WDPCP: variants seen among roughly 807,000 people sequenced by gnomAD.
WDPCP encodes WD repeat-containing and planar cell polarity effector protein fritz homolog.
Under a neutral mutation model 93.1 loss-of-function variants are expected in WDPCP, and 71 were observed. The ratio of observed to expected loss-of-function variants is 0.76; its 90% CI spans 0.63 to 0.93. WDPCP has a LOEUF of 0.93. Among genes scored for constraint, WDPCP ranks in the 40% least tolerant of loss-of-function variants. The pLI, the probability that WDPCP is intolerant of heterozygous loss-of-function variation, is 0.00. For synonymous variants in WDPCP, 315 were observed against 315.0 expected (o/e 1.00, Z 0.00); for missense variants, 844 against 887.4 (o/e 0.95, Z 0.62).
chr2:63,268,317 T>C (rs1469654509), intron 13 of WDPCP, among the ~76,000 whole-genome samples: 1 of 151,836 alleles, frequency 6.6e-6, no homozygotes, highest in African/African-American at 2.4e-5. Context: ...AGGCTGGAGG[T>C]GATAGTGGTG....
intron 1 of WDPCP, among the ~76,000 whole-genome samples, chr2:63,501,334 TAGA>T (rs1359484847): frequency 6.6e-6 from 1 of 151,958 alleles, no homozygotes; most frequent in East Asian, 1.9e-4. Flanking sequence ...GAGGCCGAGG[TAGA>T]AGGATTGCTC....
At chr2:63,550,713 G>GTA (rs762850324) in intron 1 of WDPCP, among the ~76,000 whole-genome samples, 4 of 150,784 alleles carry the variant, frequency 2.7e-5, no homozygotes, top group Non-Finnish European at 5.9e-5. Flanking sequence ...ACATATATGT[G>GTA]TGTATATATA....
intron 2 of WDPCP, among the ~76,000 whole-genome samples, chr2:63,732,753 A>G (rs771678436): frequency 6.6e-6 from 1 of 152,186 alleles, no homozygotes; most frequent in African/African-American, 2.4e-5. Context: ...TTATTTTTGG[A>G]GTCACTCAAC....
chr2:63,146,606 A>G (rs542020345), intron 17 of WDPCP, among the ~76,000 whole-genome samples: 1 of 151,982 alleles, frequency 6.6e-6, no homozygotes, highest in African/African-American at 2.4e-5. Context: ...TGATCTCCTG[A>G]CCTCGTGATC....
At chr2:63,394,954 G>A (rs1467215641) in intron 10 of WDPCP, among the ~76,000 whole-genome samples, 2 of 152,018 alleles carry the variant, frequency 1.3e-5, no homozygotes, top group African/African-American at 4.8e-5. Flanking sequence ...TATTACCTGG[G>A]TGACGAAATA....
chr2:63,486,065 T>A (rs1036262113), intron 4 of WDPCP, among the ~76,000 whole-genome samples: 1 of 151,754 alleles, frequency 6.6e-6, no homozygotes, highest in Non-Finnish European at 1.5e-5. Context: ...TTTTAATGTA[T>A]GTTTAATTCT....
At chr2:63,543,827 G>T (rs1704927625) in intron 1 of WDPCP, among the ~76,000 whole-genome samples, 1 of 152,060 alleles carries the variant, frequency 6.6e-6, no homozygotes, top group African/African-American at 2.4e-5. Flanking sequence ...TGAAATAGTA[G>T]AAGGTAAGCC....
At chr2:63,450,267 C>T (rs1035690914) in intron 6 of WDPCP, among the ~76,000 whole-genome samples, 2 of 152,180 alleles carry the variant, frequency 1.3e-5, no homozygotes, top group African/African-American at 2.4e-5. Flanking sequence ...GGCCTCCATG[C>T]CTAGGCTTAC....
intron 14 of WDPCP, among the ~76,000 whole-genome samples, chr2:63,243,354 C>G (rs1680011053): frequency 6.6e-6 from 1 of 152,018 alleles, no homozygotes. Flanking sequence ...AGTTCATGTC[C>G]TTTGCCCACT....
At chr2:63,698,206 T>G (rs894921183) in intron 2 of WDPCP, among the ~76,000 whole-genome samples, 9 of 152,168 alleles carry the variant, frequency 5.9e-5, no homozygotes, top group African/African-American at 2.2e-4. Context: ...TCTGCCACCT[T>G]GGCCTCCCAA....
chr2:63,809,278 G>A (rs1448690776), intron 2 of WDPCP, among the ~76,000 whole-genome samples: 25 of 150,756 alleles, frequency 1.7e-4, no homozygotes, highest in South Asian at 1.1e-3. Flanking sequence ...CGCCCCATCC[G>A]GGAGGGAGGT....
At chr2:63,645,900 G>T (rs1412099401) in intron 3 of WDPCP, among the ~76,000 whole-genome samples, 1 of 152,074 alleles carries the variant, frequency 6.6e-6, no homozygotes, top group Admixed American at 6.6e-5. Context: ...GTCTTTATAG[G>T]TGAAGTGTGT....
At chr2:63,361,353 T>C (rs1415546798) in intron 12 of WDPCP, among the ~76,000 whole-genome samples, 2 of 152,232 alleles carry the variant, frequency 1.3e-5, no homozygotes, top group African/African-American at 4.8e-5. Context: ...AATATTCTGA[T>C]ACTGATCACT....
In WDPCP at chr2:63,484,971, C is replaced by A. The variant is rs758930140; in HGVS notation, c.270G>T (p.Trp90Cys). 4 of 1,612,298 alleles carry A rather than the reference C, an allele frequency of 2.5e-6. No individual in the cohort carries two copies. Among genetic ancestry groups the A allele is most frequent in the Admixed American group, 1.7e-5 (1 of 59,752 alleles). ...QKLAESRDYP[W>C]TLKNRRPEKL... Reference sequence around the variant, plus strand: ...TTTCTGGGCGTCTGTTTTTGAGCGTCCAAGGATAATCTCGTGCTGGCAAAT... The same window carrying A: ...TTTCTGGGCGTCTGTTTTTGAGCGTACAAGGATAATCTCGTGCTGGCAAAT... Residue 90 changes from tryptophan to cysteine, a missense_variant, in exon 5 of 18, where the codon TGG (tryptophan) becomes TGT (cysteine). By Grantham distance (215) the Trp-to-Cys change is radical. Transcript: ENST00000272321.
At chr2:63,638,335 A>ACG (rs887426022) in intron 3 of WDPCP, among the ~76,000 whole-genome samples, 2 of 152,076 alleles carry the variant, frequency 1.3e-5, no homozygotes, top group African/African-American at 4.8e-5. Flanking sequence ...TCACATACAC[A>ACG]CACACACACA....
intron 3 of WDPCP, chr2:63,599,078 GCTAC>G: frequency 7.5e-7 from 1 of 1,329,424 alleles, no homozygotes; most frequent in Non-Finnish European, 1.0e-6. Flanking sequence ...CTGTACAAAG[GCTAC>G]CTGTTAGACA....
At chr2:63,322,455 C>T (rs1687186091) in intron 12 of WDPCP, among the ~76,000 whole-genome samples, 2 of 152,162 alleles carry the variant, frequency 1.3e-5, no homozygotes. Flanking sequence ...TGAGCTGTAA[C>T]ACTCACCGTG....
intron 3 of WDPCP, among the ~76,000 whole-genome samples, chr2:63,615,637 G>T (rs957533635): frequency 1.3e-5 from 2 of 152,168 alleles, no homozygotes; most frequent in African/African-American, 4.8e-5. Context: ...CTGCAGCAGA[G>T]AGCTGTTTCT....
intron 1 of WDPCP, among the ~76,000 whole-genome samples, chr2:63,575,463 A>ACACTG (rs1575683412): frequency 1.0e-4 from 3 of 29,152 alleles, no homozygotes; most frequent in African/African-American, 2.1e-4. Flanking sequence ...TATACAGTAT[A>ACACTG]TATGCAGTAT....
Sources: gnomAD v4.1 joint callset for allele counts (sites outside exome capture counted in the v4.1 genomes callset) on GRCh38, gnomAD v4.1.1 for gene constraint, MANE v1.5 for transcripts, NCBI Gene and HGNC (gene_info 2026-07-23, HGNC 2026-07-21) for gene names.